Variants in GRIP1 observed in about 807,000 individuals in gnomAD.
The protein encoded by GRIP1 is glutamate receptor-interacting protein 1.
GRIP1 carries 45 observed loss-of-function variants against 129.9 expected under a neutral mutation model. The ratio of observed to expected loss-of-function variants is 0.35; its 90% CI spans 0.27 to 0.44. The LOEUF is 0.44. GRIP1 is among the 20% of genes least tolerant of loss of function. The probability of loss-of-function intolerance (pLI) is 1.00; values close to 1 mark genes in which losing one functional copy is unlikely to be tolerated. For synonymous variants in GRIP1, 530 were observed against 520.8 expected (o/e 1.02, Z -0.24); for missense variants, 1,196 against 1,396.8 (o/e 0.86, Z 2.29).
chr12:66,818,385 G>A (rs1278801625), intron 1 of GRIP1, among the ~76,000 whole-genome samples: 1 of 152,086 alleles, frequency 6.6e-6, no homozygotes, highest in East Asian at 1.9e-4. Context: ...TTTATTATTG[G>A]CAACAAATGT....
At chr12:66,742,663 G>A (rs1402143822) in intron 1 of GRIP1, among the ~76,000 whole-genome samples, 3 of 152,018 alleles carry the variant, frequency 2.0e-5, no homozygotes, top group Non-Finnish European at 2.9e-5. Flanking sequence ...TTGCAAAGTT[G>A]TTTCAAGTGA....
chr12:66,363,364 C>A (rs1202234145), intron 23 of GRIP1, among the ~76,000 whole-genome samples: 1 of 149,194 alleles, frequency 6.7e-6, no homozygotes, highest in African/African-American at 2.5e-5. Flanking sequence ...CCACCTCAGC[C>A]TCCTTAGCTG....
chr12:66,566,173 TGA>T (rs1409615016), intron 2 of GRIP1, among the ~76,000 whole-genome samples: 2 of 152,196 alleles, frequency 1.3e-5, no homozygotes, highest in African/African-American at 4.8e-5. Flanking sequence ...ACAGGAGTGG[TGA>T]GAGAGGGCAT....
intron 1 of GRIP1, among the ~76,000 whole-genome samples, chr12:66,732,167 C>A (rs1035571640): frequency 6.6e-6 from 1 of 152,118 alleles, no homozygotes. Context: ...TTCTCTACCT[C>A]TTCTGTCTCT....
intron 1 of GRIP1, among the ~76,000 whole-genome samples, chr12:66,654,982 T>C (rs1400799689): frequency 6.6e-6 from 1 of 152,262 alleles, no homozygotes; most frequent in Non-Finnish European, 1.5e-5. Flanking sequence ...TTTATTTTCA[T>C]TACCTCTTTA....
intron 1 of GRIP1, among the ~76,000 whole-genome samples, chr12:66,854,052 A>G (rs1378763893): frequency 6.6e-6 from 1 of 152,092 alleles, no homozygotes. Flanking sequence ...AGAATTTATG[A>G]GCAGGAGATT....
At chr12:66,436,292 G>A (rs571955577) in intron 13 of GRIP1, among the ~76,000 whole-genome samples, 1 of 152,132 alleles carries the variant, frequency 6.6e-6, no homozygotes, top group African/African-American at 2.4e-5. Context: ...GAACGTGAAC[G>A]TTTAACTCCC....
intron 1 of GRIP1, among the ~76,000 whole-genome samples, chr12:67,012,029 T>C (rs2042716044): frequency 6.6e-6 from 1 of 152,202 alleles, no homozygotes; most frequent in Non-Finnish European, 1.5e-5. Context: ...GGGACAAGAC[T>C]GTTTTACCCT....
chr12:66,483,961 G>C (rs1266041467), intron 7 of GRIP1, among the ~76,000 whole-genome samples: 4 of 151,006 alleles, frequency 2.6e-5, no homozygotes, highest in African/African-American at 9.7e-5. Flanking sequence ...CCGGGTTCAC[G>C]CCATTCTCCT....
intron 2 of GRIP1, among the ~76,000 whole-genome samples, chr12:66,567,088 T>C (rs369253807): frequency 8.5e-5 from 13 of 152,192 alleles, no homozygotes; most frequent in Admixed American, 2.6e-4. Flanking sequence ...CCTGGATTCA[T>C]TGATTTTTTG....
intron 1 of GRIP1, among the ~76,000 whole-genome samples, chr12:67,045,072 G>A (rs1565653530): frequency 6.6e-6 from 1 of 152,224 alleles, no homozygotes; most frequent in Non-Finnish European, 1.5e-5. Context: ...TCTCCAGAGT[G>A]TATGCGCTCA....
chr12:66,483,726 C>G (rs190455804), intron 7 of GRIP1, among the ~76,000 whole-genome samples: 1 of 152,292 alleles, frequency 6.6e-6, no homozygotes, highest in East Asian at 1.9e-4. Flanking sequence ...CACAAGTTTA[C>G]AATTTGATAC....
intron 9 of GRIP1, among the ~76,000 whole-genome samples, chr12:66,460,706 A>G (rs906402556): frequency 5.9e-5 from 9 of 152,236 alleles, no homozygotes. Context: ...CAATCTGGAA[A>G]TTTGGGAAGT....
intron 19 of GRIP1, among the ~76,000 whole-genome samples, chr12:66,383,974 A>G (rs998838867): frequency 3.9e-5 from 6 of 152,208 alleles, no homozygotes; most frequent in Non-Finnish European, 8.8e-5. Context: ...GGTGACCCCA[A>G]GGATGAAAGT....
chr12:66,431,303 C>G (rs542812241), intron 14 of GRIP1, among the ~76,000 whole-genome samples: 1 of 152,236 alleles, frequency 6.6e-6, no homozygotes, highest in East Asian at 1.9e-4. Flanking sequence ...GCTGGAGTCT[C>G]TAAAATCCCA....
chr12:66,606,992 G>GGAGAGA (rs80101645), intron 1 of GRIP1, among the ~76,000 whole-genome samples: 9 of 149,152 alleles, frequency 6.0e-5, no homozygotes, highest in African/African-American at 1.5e-4. Flanking sequence ...ATCCTTACTT[G>GGAGAGA]GAGAGAGAGA....
At chr12:66,933,762 C>T (rs1225858859) in intron 1 of GRIP1, among the ~76,000 whole-genome samples, 1 of 152,140 alleles carries the variant, frequency 6.6e-6, no homozygotes, top group Non-Finnish European at 1.5e-5. Context: ...AATTTGCTTC[C>T]CTTCTAAACT....
chr12:66,358,550 G>A (rs1464742359), intron 23 of GRIP1, among the ~76,000 whole-genome samples: 2 of 152,102 alleles, frequency 1.3e-5, no homozygotes, highest in African/African-American at 2.4e-5. Context: ...AGGCTCAGGC[G>A]ATTTCTCCTG....
intron 1 of GRIP1, among the ~76,000 whole-genome samples, chr12:67,024,527 C>T (rs905699): frequency 0.17 from 25,993 of 152,042 alleles, 2,663 homozygotes; most frequent in African/African-American, 0.28. Flanking sequence ...GGCCATTTGG[C>T]CGTTTACTGG....
Sources: allele counts gnomAD v4.1 joint callset (sites outside exome capture counted in the v4.1 genomes callset), GRCh38; gene constraint gnomAD v4.1.1; transcripts MANE v1.5; gene names NCBI Gene and HGNC (gene_info 2026-07-23, HGNC 2026-07-21).